SHANK2: variants seen among roughly 807,000 people sequenced by gnomAD.
SHANK2 encodes the protein SH3 and multiple ankyrin repeat domains protein 2.
Under a neutral mutation model 133.7 loss-of-function variants are expected in SHANK2, and 43 were observed. That is an observed-to-expected ratio of 0.32 (90% CI 0.25 to 0.41). The LOEUF is 0.41. Ranked by LOEUF, SHANK2 falls within the 10% of genes least tolerant of loss-of-function variation. SHANK2 has a pLI of 1.00. For missense variants in SHANK2, 1,994 were observed against 2,235.8 expected (o/e 0.89, Z 2.18); for synonymous variants, 1,017 against 952.8 (o/e 1.07, Z -1.24).
In SHANK2 at chr11:71,217,158, T is replaced by C. The variant is rs568218123; in HGVS notation, c.-13+7539A>G. On this transcript the variant is annotated intron_variant, in intron 2 of 25. Coordinates refer to ENST00000601538, the MANE Select transcript of SHANK2 (RefSeq NM_012309.5). ...GATGAAGTGAGTCAAGATCGTGCCA[T>C]TGCACTCCAGCCTGGGTGACAAGAG... is the stretch of plus-strand genomic sequence containing the variant. Among the ~76,000 whole-genome samples, 113 of 151,290 alleles carry C rather than the reference T, an allele frequency of 7.5e-4. 1 individual carries two copies. Among genetic ancestry groups the C allele is most frequent in the African/African-American group, 1.7e-4 (7 of 41,138 alleles).
intron 10 of SHANK2, chr11:70,951,089 A>G (rs1325874065): frequency 3.1e-6 from 1 of 322,734 alleles, no homozygotes; most frequent in African/African-American, 2.2e-5. Flanking sequence ...GAGGAGTTGC[A>G]TTCATCTCCC....
chr11:70,783,478 C>G (rs1397103659), intron 14 of SHANK2, among the ~76,000 whole-genome samples: 2 of 152,134 alleles, frequency 1.3e-5, no homozygotes, highest in African/African-American at 4.8e-5. Context: ...GGCCCAGATA[C>G]CAGGGACAGC....
At chr11:71,219,234 T>C (rs1954485208) in intron 2 of SHANK2, among the ~76,000 whole-genome samples, 1 of 152,200 alleles carries the variant, frequency 6.6e-6, no homozygotes, top group African/African-American at 2.4e-5. Flanking sequence ...ACTCTCAACT[T>C]TGCAGAGCAT....
intron 14 of SHANK2, among the ~76,000 whole-genome samples, chr11:70,754,464 T>C (rs1946821667): frequency 6.6e-6 from 1 of 152,228 alleles, no homozygotes; most frequent in Admixed American, 6.5e-5. Flanking sequence ...GAAAAATTTA[T>C]TGATGTAAGC....
chr11:70,836,029 C>T (rs1271855185), intron 11 of SHANK2, among the ~76,000 whole-genome samples: 1 of 152,194 alleles, frequency 6.6e-6, no homozygotes, highest in Non-Finnish European at 1.5e-5. Flanking sequence ...CTCTCCCATA[C>T]AAGAGAGCCC....
At chr11:70,865,963 C>T (rs2135521519) in intron 11 of SHANK2, among the ~76,000 whole-genome samples, 1 of 152,282 alleles carries the variant, frequency 6.6e-6, no homozygotes, top group South Asian at 2.1e-4. Context: ...CAGTCCCACC[C>T]TCGGGCACTG....
chr11:70,834,733 G>A, intron 11 of SHANK2, among the ~76,000 whole-genome samples: 1 of 152,194 alleles, frequency 6.6e-6, no homozygotes, highest in African/African-American at 2.4e-5. Context: ...GGTTATCTTT[G>A]CACAAAGAGG....
At chr11:70,530,275 A>G (rs2059450736) in intron 17 of SHANK2, among the ~76,000 whole-genome samples, 1 of 151,912 alleles carries the variant, frequency 6.6e-6, no homozygotes, top group Non-Finnish European at 1.5e-5. Flanking sequence ...TCTCTGCACT[A>G]TGTTGCCCAG....
chr11:71,241,694 A>C (rs1954895214), intron 1 of SHANK2, among the ~76,000 whole-genome samples: 1 of 152,192 alleles, frequency 6.6e-6, no homozygotes, highest in South Asian at 2.1e-4. Flanking sequence ...ACCTTGCCTC[A>C]CTGGAAGACA....
intron 11 of SHANK2, among the ~76,000 whole-genome samples, chr11:70,881,228 G>T (rs1294117880): frequency 6.6e-6 from 1 of 152,000 alleles, no homozygotes; most frequent in Non-Finnish European, 1.5e-5. Context: ...TAAAATTTTT[G>T]TAGAGATGAA....
At chr11:71,147,877 A>G (rs1197342477) in intron 2 of SHANK2, among the ~76,000 whole-genome samples, 1 of 152,230 alleles carries the variant, frequency 6.6e-6, no homozygotes, top group Admixed American at 6.5e-5. Flanking sequence ...ACAAAAGGCC[A>G]GGGCCAGGCC....
intron 14 of SHANK2, among the ~76,000 whole-genome samples, chr11:70,752,619 T>C (rs574928090): frequency 5.6e-5 from 8 of 141,874 alleles, no homozygotes; most frequent in African/African-American, 1.6e-4. Context: ...GGCAGGAGAA[T>C]GGCGTGAACC....
chr11:70,743,326 G>C (rs1946571568), intron 14 of SHANK2, among the ~76,000 whole-genome samples: 1 of 152,168 alleles, frequency 6.6e-6, no homozygotes, highest in African/African-American at 2.4e-5. Flanking sequence ...GAGGTGATTA[G>C]GGTTGGAGGA....
At chr11:70,706,869 G>A (rs965757713) in intron 14 of SHANK2, among the ~76,000 whole-genome samples, 22 of 152,148 alleles carry the variant, frequency 1.4e-4, no homozygotes, top group Non-Finnish European at 1.8e-4. Context: ...CCTTTAAGCA[G>A]GGCTGCTGGA....
chr11:71,144,667 A>AAAACTGT (rs1270144985), intron 3 of SHANK2, among the ~76,000 whole-genome samples: 1 of 152,240 alleles, frequency 6.6e-6, no homozygotes, highest in Non-Finnish European at 1.5e-5. Flanking sequence ...AAAGGGAAAA[A>AAAACTGT]AAACTGTAAC....
chr11:71,086,874 G>C lies in SHANK2; in HGVS notation c.912+5548C>G, dbSNP rs983051639. Among the ~76,000 whole-genome samples, 600 of 152,328 alleles carry C rather than the reference G, an allele frequency of 3.9e-3. 7 individuals carry two copies. The highest frequency in any genetic ancestry group is 0.01 in the Middle Eastern group (3 of 294). Reference sequence around the variant, plus strand: ...ACAAGGGCCCTGCAGATGAATGAGAGGAGGCTCGCGAAGGCAAAGTTGCTT... The same window carrying C: ...ACAAGGGCCCTGCAGATGAATGAGACGAGGCTCGCGAAGGCAAAGTTGCTT... On this transcript the variant is annotated intron_variant, in intron 8 of 25. Transcript: ENST00000601538.
chr11:70,906,833 C>T (rs1332429938), intron 10 of SHANK2, among the ~76,000 whole-genome samples: 8 of 152,144 alleles, frequency 5.3e-5, no homozygotes, highest in African/African-American at 1.9e-4. Context: ...GCCGAGTTCC[C>T]CTGCAAACTT....
chr11:70,814,970 G>A (rs1052953753), intron 12 of SHANK2, among the ~76,000 whole-genome samples: 1 of 152,160 alleles, frequency 6.6e-6, no homozygotes, highest in Non-Finnish European at 1.5e-5. Flanking sequence ...GAACAGGGAT[G>A]CCCCCACCCC....
intron 17 of SHANK2, among the ~76,000 whole-genome samples, chr11:70,517,627 A>G (rs115436689): frequency 0.033 from 4,953 of 152,318 alleles, 111 homozygotes; most frequent in South Asian, 0.089. Flanking sequence ...TGCACACTGT[A>G]TGATTCCAAC....
Sources: gnomAD v4.1 joint callset for allele counts (sites outside exome capture counted in the v4.1 genomes callset) on GRCh38, gnomAD v4.1.1 for gene constraint, MANE v1.5 for transcripts, NCBI Gene and HGNC (gene_info 2026-07-23, HGNC 2026-07-21) for gene names.